Variants in SGPP1 observed in about 807,000 individuals in gnomAD.
The protein encoded by SGPP1 is sphingosine-1-phosphate phosphatase 1.
SGPP1 carries 21 observed loss-of-function variants against 33.0 expected under a neutral mutation model. That is an observed-to-expected ratio of 0.64 (90% CI 0.45 to 0.92). SGPP1 has a LOEUF of 0.92. Ranked by LOEUF, SGPP1 falls within the 40% of genes least tolerant of loss-of-function variation. SGPP1 has a pLI of 0.00. For synonymous variants in SGPP1, 239 were observed against 241.2 expected (o/e 0.99, Z 0.08); for missense variants, 543 against 589.4 (o/e 0.92, Z 0.81).
intron 1 of SGPP1, among the ~76,000 whole-genome samples, chr14:63,707,619 T>G (rs1478461415): frequency 1.3e-5 from 2 of 150,442 alleles, no homozygotes; most frequent in African/African-American, 4.9e-5. Context: ...CACCGCAACC[T>G]CCGCCTCCCG....
chr14:63,715,707 T>C (rs1006451678), intron 1 of SGPP1, among the ~76,000 whole-genome samples: 13 of 152,090 alleles, frequency 8.5e-5, no homozygotes, highest in African/African-American at 2.4e-4. Context: ...GGACAGAGTA[T>C]TGGAGAGACA....
At chr14:63,686,755 T>C (rs999194266) in intron 2 of SGPP1, 99 bp from the exon 3 acceptor site, 2 of 862,820 alleles carry the variant, frequency 2.3e-6, no homozygotes, top group East Asian at 5.5e-5. Context: ...TGAATATACA[T>C]AAATTTTTTA....
At chr14:63,718,569 T>C (rs1195268671) in intron 1 of SGPP1, among the ~76,000 whole-genome samples, 1 of 152,006 alleles carries the variant, frequency 6.6e-6, no homozygotes, top group East Asian at 1.9e-4. Context: ...TGGATATAAA[T>C]GCATGACAAA....
At chr14:63,719,999 G>A (rs994961921) in intron 1 of SGPP1, among the ~76,000 whole-genome samples, 3 of 151,462 alleles carry the variant, frequency 2.0e-5, no homozygotes, top group Non-Finnish European at 4.4e-5. Flanking sequence ...GGTGGTAGGT[G>A]CCGGTAATCC....
In SGPP1 at chr14:63,723,717, T is replaced by C. The variant is rs1478338199; in HGVS notation, c.684+3544A>G. Among the ~76,000 whole-genome samples, 40 of 138,460 alleles carry C rather than the reference T, an allele frequency of 2.9e-4. No individual in the cohort carries two copies. In the South Asian group the frequency reaches 7.9e-3, roughly 27 times the overall value. The allele number at this position is 138,460 out of a possible 152,430, so 90.8% of individuals were successfully genotyped here. The stretch of plus-strand genomic sequence containing the variant: ...CTGGGTGACAAAGAGAGATTTCGTC[T>C]CAAAAAAAAAAAAAATTCAAAGACT... On this transcript the variant is annotated intron_variant, in intron 1 of 2. Transcript: ENST00000247225.
intron 1 of SGPP1, among the ~76,000 whole-genome samples, chr14:63,699,872 G>A (rs1425803497): frequency 6.6e-6 from 1 of 151,832 alleles, no homozygotes; most frequent in Non-Finnish European, 1.5e-5. Context: ...ATTTTTTGCT[G>A]CATTTCCCAC....
At chr14:63,722,829 G>C (rs1022710884) in intron 1 of SGPP1, among the ~76,000 whole-genome samples, 1 of 151,734 alleles carries the variant, frequency 6.6e-6, no homozygotes, top group Admixed American at 6.6e-5. Flanking sequence ...AACAAAATTA[G>C]CTGGTGGTAG....
intron 1 of SGPP1, among the ~76,000 whole-genome samples, chr14:63,705,113 C>T (rs1885380480): frequency 6.7e-6 from 1 of 150,142 alleles, no homozygotes; most frequent in Non-Finnish European, 1.5e-5. Flanking sequence ...GGTGACAGGG[C>T]GAGACTCTGT....
Position 63,698,569 on chromosome 14 carries a change from C to A in SGPP1, c.774G>T (p.Leu258=). The change falls in exon 2 of 3, where the codon CTG becomes CTT. Residue 258 remains leucine, a splice_region_variant and synonymous_variant. Coordinates refer to ENST00000247225, the MANE Select transcript of SGPP1 (RefSeq NM_030791.4). ...SRIYMGMHSI[L]DIIAGFLYTI... ...ATTAAGAAGACAACATTTTCCTTAC[C>A]AGAATAGAGTGCATTCCCATGTAAA... 6.6e-7 allele frequency: 1 copy of A among 1,511,834 alleles called. No homozygotes were observed. Among genetic ancestry groups the A allele is most frequent in the South Asian group, 1.2e-5 (1 of 82,282 alleles). The allele number at this position is 1,511,834 out of a possible 1,614,324, so 93.7% of individuals were successfully genotyped here.
At chr14:63,710,921 G>GGATA (rs1431293311) in intron 1 of SGPP1, among the ~76,000 whole-genome samples, 1 of 151,984 alleles carries the variant, frequency 6.6e-6, no homozygotes, top group East Asian at 1.9e-4. Flanking sequence ...CTATAAATGG[G>GGATA]GATACTAAGA....
intron 1 of SGPP1, among the ~76,000 whole-genome samples, chr14:63,715,880 T>C (rs575687628): frequency 6.6e-6 from 1 of 152,060 alleles, no homozygotes; most frequent in Non-Finnish European, 1.5e-5. Context: ...AAGCTTGCAA[T>C]TGCTTTCCCA....
chr14:63,690,063 T>TC (rs1392460140), intron 2 of SGPP1, among the ~76,000 whole-genome samples: 20 of 152,140 alleles, frequency 1.3e-4, no homozygotes, highest in African/African-American at 4.6e-4. Context: ...TGCTTCTCTG[T>TC]TTTTTGTTTT....
In SGPP1 at chr14:63,706,448, AT is replaced by A. The variant is rs1377468556; in HGVS notation, c.685-7791del. Among the ~76,000 whole-genome samples the A allele has an allele frequency of 2.9e-4, 44 of 152,306 alleles. 1 individual carries two copies. The highest frequency in any genetic ancestry group is 9.1e-4 in the African/African-American group (38 of 41,560). On this transcript the variant is annotated intron_variant, in intron 1 of 2. Coordinates refer to ENST00000247225, the MANE Select transcript of SGPP1 (RefSeq NM_030791.4). ...AAGTTTTACCCCAAGTTAAAAAAAA[AT>A]AAACCAAAAATAAACATATCCAGAA...
At chr14:63,725,005 A>C (rs1287250073) in intron 1 of SGPP1, among the ~76,000 whole-genome samples, 22 of 152,096 alleles carry the variant, frequency 1.4e-4, no homozygotes, top group Admixed American at 1.4e-3. Context: ...AAAAAAAGGA[A>C]AAAGGTTAAA....
rs1470463281 is a variant in SGPP1 at position 63,727,281 on chromosome 14, G to A, written c.664C>T (p.Leu222Phe). The A allele has an allele frequency of 1.1e-5, 17 of 1,612,920 alleles. No individual in the cohort carries two copies. The highest frequency in any genetic ancestry group is 1.4e-5 in the Non-Finnish European group (16 of 1,179,214). The change falls in exon 1 of 3, where the codon CTC becomes TTC. Residue 222 changes from leucine (L) to phenylalanine (F), a missense_variant. Physicochemically the swap from Leu to Phe is conservative, Grantham distance 22. Transcript: ENST00000247225. ...GTAIPISMVL[L>F]TYGRWQYPLI... ...CCTACCTGCCAGCGGCCATAGGTGA[G>A]GAGGACCATAGAAATGGGGATGGCG...
intron 1 of SGPP1, among the ~76,000 whole-genome samples, chr14:63,722,033 T>C (rs1885781619): frequency 6.6e-6 from 1 of 152,320 alleles, no homozygotes; most frequent in East Asian, 1.9e-4. Context: ...ATTTTCTATA[T>C]AAGCTGCTGA....
chr14:63,688,714 CTTTTTTTTTTCT>C lies in SGPP1; in HGVS notation c.775-2070_775-2059del, dbSNP rs750370891. Among the ~76,000 whole-genome samples, 1,197 of 140,908 alleles carry C rather than the reference CTTTTTTTTTTCT, an allele frequency of 8.5e-3. 10 individuals carry two copies. The highest frequency in any genetic ancestry group is 0.031 in the African/African-American group (1,114 of 36,454). 92.4% of individuals were successfully genotyped at this position (140,908 alleles called of 152,430 possible). ...AGGTCTTCAAAAACAACCGTCATTT[CTTTTTTTTTTCT>C]TTTTTTTTTTTTTGAGATGGAGTCT... On this transcript the variant is annotated intron_variant, in intron 2 of 2. Coordinates refer to ENST00000247225, the MANE Select transcript of SGPP1 (RefSeq NM_030791.4).
chr14:63,695,066 A>AT (rs1455815062), intron 2 of SGPP1, among the ~76,000 whole-genome samples: 3 of 150,018 alleles, frequency 2.0e-5, no homozygotes, highest in South Asian at 2.1e-4. Flanking sequence ...ATTTTATTTT[A>AT]TTTTTTTTGA....
chr14:63,686,708 CAT>C, intron 2 of SGPP1, 52 bp from the exon 3 acceptor site: 1 of 1,270,110 alleles, frequency 7.9e-7, no homozygotes. Context: ...ATATTTTTGG[CAT>C]TTAAAAAATA....
Sources: allele counts gnomAD v4.1 joint callset (sites outside exome capture counted in the v4.1 genomes callset), GRCh38; gene constraint gnomAD v4.1.1; transcripts MANE v1.5; gene names NCBI Gene and HGNC (gene_info 2026-07-23, HGNC 2026-07-21).